TSHZ2: variants seen among roughly 807,000 people sequenced by gnomAD.
TSHZ2 encodes teashirt homolog 2.
A neutral mutation model predicts 74.4 loss-of-function variants in TSHZ2; 21 were observed. The ratio of observed to expected loss-of-function variants is 0.28; its 90% CI spans 0.20 to 0.41. The LOEUF (loss-of-function observed/expected upper bound fraction) is 0.41. TSHZ2 is among the 10% of genes least tolerant of loss of function. The probability of loss-of-function intolerance (pLI) is 1.00; values close to 1 mark genes in which losing one functional copy is unlikely to be tolerated. For missense variants in TSHZ2, 1,244 were observed against 1,293.5 expected (o/e 0.96, Z 0.59); for synonymous variants, 540 against 515.3 (o/e 1.05, Z -0.65).
chr20:53,435,749 G>A (rs989749737), intron 2 of TSHZ2, among the ~76,000 whole-genome samples: 2 of 152,240 alleles, frequency 1.3e-5, no homozygotes, highest in South Asian at 2.1e-4. Context: ...TCCTGACCAT[G>A]TGATCTGCCC....
At chr20:53,025,205 C>A (rs539625458) in intron 1 of TSHZ2, among the ~76,000 whole-genome samples, 76 of 151,638 alleles carry the variant, frequency 5.0e-4, no homozygotes, top group African/African-American at 1.8e-3. Flanking sequence ...AAAACTCCAT[C>A]CTATTTGCTC....
At chr20:53,323,845 T>C (rs1352415473) in intron 2 of TSHZ2, among the ~76,000 whole-genome samples, 1 of 152,180 alleles carries the variant, frequency 6.6e-6, no homozygotes, top group Non-Finnish European at 1.5e-5. Flanking sequence ...CCCAAAGTGC[T>C]GGGATTATAG....
At chr20:53,052,196 C>A (rs1984492421) in intron 1 of TSHZ2, among the ~76,000 whole-genome samples, 1 of 152,154 alleles carries the variant, frequency 6.6e-6, no homozygotes, top group South Asian at 2.1e-4. Context: ...AAGAACTTGA[C>A]TATTTTAGGT....
intron 2 of TSHZ2, among the ~76,000 whole-genome samples, chr20:53,387,536 G>T (rs547037173): frequency 1.2e-4 from 19 of 152,278 alleles, no homozygotes; most frequent in African/African-American, 4.6e-4. Flanking sequence ...GGCCAGCTGG[G>T]GTAAATCAAG....
intron 2 of TSHZ2, among the ~76,000 whole-genome samples, chr20:53,416,248 G>A (rs1983250292): frequency 6.6e-6 from 1 of 152,208 alleles, no homozygotes; most frequent in Non-Finnish European, 1.5e-5. Flanking sequence ...TTAGGTACAG[G>A]TCTTAGCGGT....
chr20:53,373,506 T>C (rs1568889693), intron 2 of TSHZ2, among the ~76,000 whole-genome samples: 1 of 152,204 alleles, frequency 6.6e-6, no homozygotes, highest in Non-Finnish European at 1.5e-5. Flanking sequence ...TGACTAGAAA[T>C]GGCTTTCTTC....
At chr20:52,985,224 A>T (rs771230981) in intron 1 of TSHZ2, among the ~76,000 whole-genome samples, 4 of 151,668 alleles carry the variant, frequency 2.6e-5, no homozygotes, top group Non-Finnish European at 5.9e-5. Flanking sequence ...CGATTATTTC[A>T]TCTCGGTGCG....
chr20:52,997,576 G>A (rs367563126), intron 1 of TSHZ2, among the ~76,000 whole-genome samples: 10 of 149,696 alleles, frequency 6.7e-5, no homozygotes, highest in Non-Finnish European at 7.4e-5. Flanking sequence ...CCTGATAAAA[G>A]AAAAAAAAAA....
intron 2 of TSHZ2, among the ~76,000 whole-genome samples, chr20:53,290,842 C>T (rs893566979): frequency 6.6e-6 from 1 of 152,192 alleles, no homozygotes; most frequent in African/African-American, 2.4e-5. Context: ...TTGGCAAATC[C>T]AGCCTACCAC....
intron 2 of TSHZ2, among the ~76,000 whole-genome samples, chr20:53,389,743 T>C (rs573547857): frequency 6.6e-6 from 1 of 152,340 alleles, no homozygotes; most frequent in East Asian, 1.9e-4. Context: ...CATTTGGCAA[T>C]GTCTAGAGAC....
At chr20:53,089,834 C>T (rs573939146) in intron 1 of TSHZ2, among the ~76,000 whole-genome samples, 1 of 152,280 alleles carries the variant, frequency 6.6e-6, no homozygotes, top group East Asian at 1.9e-4. Context: ...CTGGGGAGCG[C>T]CCAAGAATCC....
At chr20:53,374,620 C>T (rs778954941) in intron 2 of TSHZ2, among the ~76,000 whole-genome samples, 124 of 152,114 alleles carry the variant, frequency 8.2e-4, no homozygotes, top group Non-Finnish European at 8.8e-4. Flanking sequence ...GTGAATATTC[C>T]CTTTTCTCTG....
intron 1 of TSHZ2, among the ~76,000 whole-genome samples, chr20:53,140,099 C>T (rs576123782): frequency 3.3e-5 from 5 of 151,904 alleles, no homozygotes; most frequent in African/African-American, 1.2e-4. Context: ...TTGAACAAGA[C>T]AGAACAGCTT....
At chr20:53,281,910 G>C (rs2145437837) in intron 2 of TSHZ2, among the ~76,000 whole-genome samples, 1 of 152,326 alleles carries the variant, frequency 6.6e-6, no homozygotes, top group African/African-American at 2.4e-5. Flanking sequence ...CACACTTGAA[G>C]GCAGCAAGGG....
At chr20:53,189,503 A>C (rs1988677935) in intron 1 of TSHZ2, among the ~76,000 whole-genome samples, 1 of 152,202 alleles carries the variant, frequency 6.6e-6, no homozygotes, top group Non-Finnish European at 1.5e-5. Flanking sequence ...ACAAGAATTA[A>C]CTACATGATT....
intron 2 of TSHZ2, among the ~76,000 whole-genome samples, chr20:53,266,517 AC>A (rs1990719572): frequency 6.6e-6 from 1 of 152,062 alleles, no homozygotes; most frequent in Non-Finnish European, 1.5e-5. Context: ...ATGCACTCTC[AC>A]CTCAAATAAG....
chr20:53,390,299 G>A (rs1278497827), intron 2 of TSHZ2, among the ~76,000 whole-genome samples: 1 of 152,132 alleles, frequency 6.6e-6, no homozygotes, highest in Non-Finnish European at 1.5e-5. Flanking sequence ...GCAGGGCCAG[G>A]GGCAGCCTTC....
Position 53,253,504 on chromosome 20 carries a change from GC to G in TSHZ2, c.49del (p.Gln17ArgfsTer5). On this transcript the variant is annotated frameshift_variant, in exon 2 of 3. Coordinates refer to ENST00000371497, the MANE Select transcript of TSHZ2 (RefSeq NM_173485.6). LOFTEE classifies it high-confidence loss of function. The stretch of plus-strand genomic sequence containing the variant: ...CTCTTCTTCTTCTCTTGCAGGCTAC[GC>G]CCAGGAGGAACAGCTGAAAGAAGAG... ...QQAPKRAAGY[A>X]QEEQLKEEEE... The G allele has an allele frequency of 6.2e-7, 1 of 1,605,486 alleles. No individual in the cohort carries two copies. The highest frequency in any genetic ancestry group is 8.5e-7 in the Non-Finnish European group (1 of 1,175,380).
At chr20:53,034,795 A>G (rs1983760435) in intron 1 of TSHZ2, among the ~76,000 whole-genome samples, 1 of 152,218 alleles carries the variant, frequency 6.6e-6, no homozygotes, top group Admixed American at 6.5e-5. Context: ...GGCCCATGGT[A>G]AAGTCCAAGA....
Sources: allele counts gnomAD v4.1 joint callset (sites outside exome capture counted in the v4.1 genomes callset), GRCh38; gene constraint gnomAD v4.1.1; transcripts MANE v1.5; gene names NCBI Gene and HGNC (gene_info 2026-07-23, HGNC 2026-07-21).